TMEM201: variants seen among roughly 807,000 people sequenced by gnomAD.
The protein encoded by TMEM201 is RP13-15M17.2.
A neutral mutation model predicts 63.4 loss-of-function variants in TMEM201; 26 were observed. The observed-to-expected ratio is 0.41, with a 90% confidence interval of 0.30 to 0.57. The LOEUF (loss-of-function observed/expected upper bound fraction) is 0.57, where lower values mean the gene tolerates loss of function less well. Among genes scored for constraint, TMEM201 ranks in the 20% least tolerant of loss-of-function variants. The pLI is 0.29. For missense variants in TMEM201, 794 were observed against 917.7 expected, an observed-to-expected ratio of 0.87 and a Z score of 1.74; for synonymous variants, 417 against 421.6, an observed-to-expected ratio of 0.99 and a Z score of 0.14.
chr1:9,589,005 C>T lies in TMEM201; in HGVS notation c.75C>T (p.Cys25=), dbSNP rs1373916386. The change falls in exon 1 of 11, where the codon TGC becomes TGT. Residue 25 remains cysteine (C), a synonymous_variant. Coordinates refer to ENST00000340381, the MANE Select transcript of TMEM201 (RefSeq NM_001130924.3). The part of the protein sequence containing the change: ...GLAGGLGVTA[C]AAAGVLLYRI... ...CCGGCGGCCTGGGGGTCACGGCGTG[C>T]GCCGCGGCCGGCGTGTTGCTCTACC... 2.5e-6 allele frequency: 3 copies of T among 1,179,346 alleles called. No homozygotes were observed. Among genetic ancestry groups the T allele is most frequent in the Non-Finnish European group, 2.1e-6 (2 of 948,362 alleles). 73.1% of individuals were successfully genotyped at this position (1,179,346 alleles called of 1,614,324 possible). A position where few individuals can be genotyped will look rare whatever the true frequency, so the allele number is the denominator to read the frequency against.
chr1:9,598,649 G>A (rs9430182), intron 4 of TMEM201, 24 bp downstream of exon 4: 1,290,468 of 1,603,518 alleles, frequency 0.8, 520,401 homozygotes, highest in Non-Finnish European at 0.82. Flanking sequence ...TCCACAGGGC[G>A]GGGGTGGGGG....
chr1:9,601,187 C>T lies in TMEM201; in HGVS notation c.689C>T (p.Thr230Ile), dbSNP rs372518364. The T allele has an allele frequency of 6.2e-7, 1 of 1,612,956 alleles. No homozygotes were observed. Among genetic ancestry groups the T allele is most frequent in the African/African-American group, 1.3e-5 (1 of 74,936 alleles). Residue 230 changes from threonine (T) to isoleucine (I), a missense_variant, in exon 5 of 11, where the codon ACC becomes ATC. Transcript: ENST00000340381. ...TTCCTGGCCTGCGCCTTCCTACTGA[C>T]CACCGCGCTGTATGGGGCCAGCGGA... ...LAFLACAFLL[T>I]TALYGASGHF...
At chr1:9,596,450 A>G (rs948999264) in intron 2 of TMEM201, among the ~76,000 whole-genome samples, 1 of 152,214 alleles carries the variant, frequency 6.6e-6, no homozygotes, top group Non-Finnish European at 1.5e-5. Context: ...GTAATACAAG[A>G]GTGAATTAGC....
At position 9,609,836 on chromosome 1, in the gene TMEM201, CCA is replaced by C; in HGVS notation, c.1394-3_1394-2del. ...ACGTGTCGCCCGCTTCTCTCTGTCT[CCA>C]GACTCCGGCTATCTGTTCAGCGGTA... On this transcript the variant is annotated splice_acceptor_variant and splice_polypyrimidine_tract_variant and intron_variant, in intron 7 of 10. Coordinates refer to ENST00000340381, the MANE Select transcript of TMEM201 (RefSeq NM_001130924.3). LOFTEE classifies it high-confidence loss of function. 7.1e-6 allele frequency: 11 copies of C among 1,551,376 alleles called. No homozygotes were observed. The highest frequency in any genetic ancestry group is 9.6e-6 in the Non-Finnish European group (11 of 1,146,932).
rs1392709009 is a variant in TMEM201, at chr1:9,610,528, G to A, written c.1488G>A (p.Gly496=). The change falls in exon 9 of 11, where the codon GGG becomes GGA. Residue 496 remains glycine (G), a synonymous_variant. Coordinates refer to ENST00000340381, the MANE Select transcript of TMEM201 (RefSeq NM_001130924.3). This position sits in a 1 kb window ranked among gnomAD's most constrained non-coding sequence, Gnocchi z 4.9. ...CAGATTACTTCTCTCTTCTGTCGGG[G>A]AGCTGCCCCTCCTCCCCACTCCCTT... The part of the protein sequence containing the change: ...PVSDYFSLLS[G]SCPSSPLPSP... 1 of 1,538,708 alleles carries A rather than the reference G, an allele frequency of 6.5e-7. No individual in the cohort carries two copies. The highest frequency in any genetic ancestry group is 2.0e-5 in the Admixed American group (1 of 50,566).
At chr1:9,606,868 G>T (rs565134931) in intron 6 of TMEM201, among the ~76,000 whole-genome samples, 2 of 152,302 alleles carry the variant, frequency 1.3e-5, no homozygotes, top group African/African-American at 2.4e-5. Context: ...TTCTAAGTTC[G>T]GTTTTGGCGT....
rs1427507075 is a variant in TMEM201, at chr1:9,610,862, C to T, written c.1765+57C>T. The T allele has an allele frequency of 1.7e-5, 26 of 1,498,800 alleles. No individual in the cohort carries two copies. The highest frequency in any genetic ancestry group is 1.2e-4 in the East Asian group (5 of 40,350). 92.8% of individuals were successfully genotyped at this position (1,498,800 alleles called of 1,614,324 possible). A position where few individuals can be genotyped will look rare whatever the true frequency, so the allele number is the denominator to read the frequency against. Reference sequence around the variant, plus strand: ...GGGAGGGCCTCTGCTGCCAAGAGGCCTGGCTGTGCGGCGGTGGGGGGGCTC... The same window carrying T: ...GGGAGGGCCTCTGCTGCCAAGAGGCTTGGCTGTGCGGCGGTGGGGGGGCTC... On this transcript the variant is annotated intron_variant, in intron 9 of 10. Coordinates refer to ENST00000340381, the MANE Select transcript of TMEM201 (RefSeq NM_001130924.3). The surrounding 1 kb of genome is among the most constrained non-coding windows in gnomAD (Gnocchi z 4.9).
intron 6 of TMEM201, among the ~76,000 whole-genome samples, chr1:9,606,975 C>G (rs985350466): frequency 5.3e-5 from 8 of 152,142 alleles, no homozygotes; most frequent in African/African-American, 1.9e-4. Context: ...AGTGCAAGGC[C>G]AGAGAGCAGG....
chr1:9,598,656 GGGGTGTTGA>G (rs1274609089), intron 4 of TMEM201, 31 bp downstream of exon 4: 1 of 1,592,570 alleles, frequency 6.3e-7, no homozygotes, highest in African/African-American at 1.3e-5. Context: ...GGCGGGGGTG[GGGGTGTTGA>G]GTTTGTTCAG....
chr1:9,602,326 G>T, intron 6 of TMEM201, 54 bp downstream of exon 6: 1 of 1,593,196 alleles, frequency 6.3e-7, no homozygotes, highest in South Asian at 1.1e-5. Flanking sequence ...CTCAGGCCCA[G>T]GCTTTGCCAG....
intron 9 of TMEM201, chr1:9,611,071 C>T (rs932114180): frequency 3.2e-4 from 478 of 1,510,160 alleles, no homozygotes; most frequent in Non-Finnish European, 4.0e-4. Flanking sequence ...CACGCATTGC[C>T]AGGTGCGTGT....
At position 9,614,416 on chromosome 1, in the gene TMEM201, G is replaced by A. The variant is rs1438093094; in HGVS notation, c.*1333G>A. ...CTTTTTTTTTTAATGTGGGGAAGGA[G>A]CTTGCTCTGACGTCACCCTCCTCTC... On this transcript the variant is annotated 3_prime_UTR_variant, in exon 11 of 11. Transcript: ENST00000340381. 6.6e-6 allele frequency: 1 copy of A among 151,678 alleles called. No individual in the cohort carries two copies. The highest frequency in any genetic ancestry group is 2.4e-5 in the African/African-American group (1 of 41,214). The allele number at this position is 151,678 out of a possible 1,614,324, so 9.4% of individuals were successfully genotyped here.
chr1:9,594,134 G>C (rs1643970355), intron 1 of TMEM201, among the ~76,000 whole-genome samples: 1 of 152,252 alleles, frequency 6.6e-6, no homozygotes, highest in Admixed American at 6.5e-5. Flanking sequence ...ATGCTCAGCA[G>C]CCCCTTTTGA....
At position 9,605,915 on chromosome 1, in the gene TMEM201, G is replaced by A. The variant is rs1644234273; in HGVS notation, c.1161-1642G>A. Among the ~76,000 whole-genome samples, 1 of 152,086 alleles carries A rather than the reference G, an allele frequency of 6.6e-6. No homozygotes were observed. Among genetic ancestry groups the A allele is most frequent in the African/African-American group, 2.4e-5 (1 of 41,408 alleles). ...CCCTCCTTTCACACATCCCCCAACG[G>A]TACTCTCAGGTCACTGGGGGACCTG... On this transcript the variant is annotated intron_variant, in intron 6 of 10. Transcript: ENST00000340381. The surrounding 1 kb of genome is among the most constrained non-coding windows in gnomAD (Gnocchi z 5.7).
chr1:9,606,953 A>G (rs1324007443), intron 6 of TMEM201, among the ~76,000 whole-genome samples: 1 of 152,144 alleles, frequency 6.6e-6, no homozygotes, highest in African/African-American at 2.4e-5. Context: ...GGAACTTCAG[A>G]GGAGTTTCCA....
Position 9,605,668 on chromosome 1 carries a change from C to T in TMEM201, c.1161-1889C>T, listed in dbSNP as rs923550143. Among the ~76,000 whole-genome samples, 1 of 152,018 alleles carries T rather than the reference C, an allele frequency of 6.6e-6. No homozygotes were observed. The highest frequency in any genetic ancestry group is 1.5e-5 in the Non-Finnish European group (1 of 68,042). On this transcript the variant is annotated intron_variant, in intron 6 of 10. Transcript: ENST00000340381. The surrounding 1 kb of genome is among the most constrained non-coding windows in gnomAD (Gnocchi z 5.7). ...AGTCAAACTGCGAAGGAACTCCCCACAGCACCATCTTCAGTGGCACCAAAC... is the reference window on the plus strand; with the variant it reads ...AGTCAAACTGCGAAGGAACTCCCCATAGCACCATCTTCAGTGGCACCAAAC...
chr1:9,611,353 A>G (rs894383050), intron 9 of TMEM201, among the ~76,000 whole-genome samples: 1 of 152,084 alleles, frequency 6.6e-6, no homozygotes, highest in African/African-American at 2.4e-5. Context: ...GCGCGCCACC[A>G]TGCCTGGCTA....
chr1:9,592,637 CATGTCCGTGCTCAGGGCTCTGGAGTG>C (rs1191135737), intron 1 of TMEM201, among the ~76,000 whole-genome samples: 6 of 123,638 alleles, frequency 4.9e-5, no homozygotes, highest in South Asian at 2.7e-4. Flanking sequence ...TGTTTCAATA[CATGTCCGTGCTCAGGGCTCTGGAGTG>C]GTGTCATCAT....
chr1:9,604,605 A>G lies in TMEM201; in HGVS notation c.1160+2333A>G. 1 of 985,486 alleles carries G rather than the reference A, an allele frequency of 1.0e-6. No individual in the cohort carries two copies. The highest frequency in any genetic ancestry group is 1.1e-4 in the East Asian group (1 of 8,816). 61.0% of individuals were successfully genotyped at this position (985,486 alleles called of 1,614,324 possible). On this transcript the variant is annotated intron_variant, in intron 6 of 10. Coordinates refer to ENST00000340381, the MANE Select transcript of TMEM201 (RefSeq NM_001130924.3). The surrounding 1 kb of genome is among the most constrained non-coding windows in gnomAD (Gnocchi z 4.1). ...GACCTTCTAGGGTCTGGCTGGGGTC[A>G]TCCTAGGTATGGGTGACCGTCCCTG...
Sources: gnomAD v4.1 joint callset for allele counts (sites outside exome capture counted in the v4.1 genomes callset) on GRCh38, gnomAD v4.1.1 for gene constraint, Gnocchi (gnomAD v3.1) non-coding constraint, MANE v1.5 for transcripts, NCBI Gene and HGNC (gene_info 2026-07-23, HGNC 2026-07-21) for gene names.